Variants in STAU2 observed in about 807,000 individuals in gnomAD.
The protein encoded by STAU2 is staufen double-stranded RNA binding protein 2.
Under a neutral mutation model 65.9 loss-of-function variants are expected in STAU2, and 20 were observed. The observed-to-expected ratio is 0.30, with a 90% CI of 0.21 to 0.44. The LOEUF (loss-of-function observed/expected upper bound fraction) is 0.44, where lower values mean the gene tolerates loss of function less well. STAU2 is among the 20% of genes least tolerant of loss of function. STAU2 has a pLI of 1.00. For missense variants in STAU2, 558 were observed against 683.9 expected, an observed-to-expected ratio of 0.82 and a Z score of 2.05; for synonymous variants, 232 against 233.9, an observed-to-expected ratio of 0.99 and a Z score of 0.07.
At chr8:73,708,239 A>G (rs1239356371) in intron 4 of STAU2, among the ~76,000 whole-genome samples, 1 of 152,208 alleles carries the variant, frequency 6.6e-6, no homozygotes, top group African/African-American at 2.4e-5. Flanking sequence ...CAAATAACCT[A>G]ATAGCCAGTT....
chr8:73,589,662 C>T (rs2128966902), intron 11 of STAU2, among the ~76,000 whole-genome samples: 1 of 152,164 alleles, frequency 6.6e-6, no homozygotes, highest in Non-Finnish European at 1.5e-5. Flanking sequence ...GACAAATCAA[C>T]AGAAATTACT....
At chr8:73,454,938 G>A (rs1166251268) in intron 13 of STAU2, among the ~76,000 whole-genome samples, 1 of 151,806 alleles carries the variant, frequency 6.6e-6, no homozygotes, top group Admixed American at 6.6e-5. Context: ...GAGAGGTCGA[G>A]TGGTCCTCCC....
At position 73,531,197 on chromosome 8, in the gene STAU2, C is replaced by A. The variant is rs557828686; in HGVS notation, c.1530+20815G>T. ...AGTGTACACTGTCCCTCCTCTAAGT[C>A]TCTGGAGCCAAAATGAATGGCTTGC... On this transcript the variant is annotated intron_variant, in intron 13 of 14. Coordinates refer to ENST00000524300, the MANE Select transcript of STAU2 (RefSeq NM_001164380.2). Among the ~76,000 whole-genome samples, 7 of 152,266 alleles carry A rather than the reference C, an allele frequency of 4.6e-5. No homozygotes were observed. In the South Asian group the frequency reaches 1.5e-3, roughly 32 times the overall value.
chr8:73,677,987 C>T (rs1425701770), intron 5 of STAU2, among the ~76,000 whole-genome samples: 2 of 152,248 alleles, frequency 1.3e-5, no homozygotes, highest in African/African-American at 4.8e-5. Context: ...ACTGCTCTTG[C>T]TTTACATTAT....
At chr8:73,653,866 T>C (rs559161514) in intron 6 of STAU2, 41 of 441,554 alleles carry the variant, frequency 9.3e-5, no homozygotes, top group African/African-American at 8.0e-4. Flanking sequence ...CCATGGAACA[T>C]CTTATAACAC....
At chr8:73,525,362 C>T (rs1033698924) in intron 13 of STAU2, among the ~76,000 whole-genome samples, 4 of 152,096 alleles carry the variant, frequency 2.6e-5, no homozygotes, top group South Asian at 4.1e-4. Flanking sequence ...GCATTCACAC[C>T]GCAGTTATTG....
At chr8:73,646,897 T>C (rs1244472123) in intron 6 of STAU2, among the ~76,000 whole-genome samples, 2 of 147,450 alleles carry the variant, frequency 1.4e-5, no homozygotes, top group African/African-American at 2.5e-5. Context: ...TTATAGAAAA[T>C]GTGCATAAGA....
chr8:73,715,143 A>G (rs2130675350), intron 3 of STAU2, among the ~76,000 whole-genome samples: 1 of 152,200 alleles, frequency 6.6e-6, no homozygotes, highest in East Asian at 1.9e-4. Context: ...AGATACTATA[A>G]ATCAATTTTT....
chr8:73,522,038 A>G (rs926094489), intron 13 of STAU2, among the ~76,000 whole-genome samples: 20 of 152,232 alleles, frequency 1.3e-4, no homozygotes, highest in African/African-American at 4.8e-4. Flanking sequence ...CCTCAACACA[A>G]TAAGGCAGGC....
intron 12 of STAU2, among the ~76,000 whole-genome samples, chr8:73,567,465 C>T (rs1808695370): frequency 6.6e-6 from 1 of 152,130 alleles, no homozygotes; most frequent in African/African-American, 2.4e-5. Flanking sequence ...CAAGATTACA[C>T]CACTGCACTC....
At chr8:73,660,235 GCCTGACCAACATGGTGAAA>G (rs1816726026) in intron 6 of STAU2, among the ~76,000 whole-genome samples, 1 of 152,166 alleles carries the variant, frequency 6.6e-6, no homozygotes, top group Non-Finnish European at 1.5e-5. Flanking sequence ...TTCAAGACCA[GCCTGACCAACATGGTGAAA>G]CCCTGTCTCT....
chr8:73,467,996 A>T (rs1819752511), intron 13 of STAU2, among the ~76,000 whole-genome samples: 1 of 152,240 alleles, frequency 6.6e-6, no homozygotes, highest in African/African-American at 2.4e-5. Context: ...CACATTGCCA[A>T]GTCAATCCTA....
chr8:73,483,064 CA>C (rs1162337148), intron 13 of STAU2, among the ~76,000 whole-genome samples: 2 of 150,122 alleles, frequency 1.3e-5, no homozygotes, highest in Non-Finnish European at 3.0e-5. Flanking sequence ...CAGTGGTCAG[CA>C]AAGAATGTGC....
At chr8:73,541,634 G>A (rs1415132920) in intron 13 of STAU2, among the ~76,000 whole-genome samples, 4 of 152,102 alleles carry the variant, frequency 2.6e-5, no homozygotes, top group Non-Finnish European at 4.4e-5. Context: ...CCAGCTGTTG[G>A]ATTTAGTTGA....
At chr8:73,681,267 C>G (rs1818408472) in intron 5 of STAU2, among the ~76,000 whole-genome samples, 1 of 152,150 alleles carries the variant, frequency 6.6e-6, no homozygotes. Flanking sequence ...TAGCAGATTT[C>G]TCAGCATAAA....
At chr8:73,745,387 AATCAT>A (rs1165650231) in intron 1 of STAU2, among the ~76,000 whole-genome samples, 2 of 152,200 alleles carry the variant, frequency 1.3e-5, no homozygotes. Flanking sequence ...AGTGTACTTG[AATCAT>A]CTAAAGAAAG....
At chr8:73,525,168 T>A (rs1823282188) in intron 13 of STAU2, among the ~76,000 whole-genome samples, 1 of 152,242 alleles carries the variant, frequency 6.6e-6, no homozygotes, top group Non-Finnish European at 1.5e-5. Flanking sequence ...GTGACCATCA[T>A]CAACACATTT....
intron 13 of STAU2, among the ~76,000 whole-genome samples, chr8:73,519,167 G>A (rs940730670): frequency 6.6e-6 from 1 of 152,170 alleles, no homozygotes; most frequent in African/African-American, 2.4e-5. Context: ...AGCAAGCAAA[G>A]CCGCTGAAGT....
chr8:73,598,781 C>T (rs1190205955), intron 10 of STAU2, among the ~76,000 whole-genome samples: 1 of 151,894 alleles, frequency 6.6e-6, no homozygotes, highest in Non-Finnish European at 1.5e-5. Flanking sequence ...TAAGAAACTC[C>T]ACAGATGAAT....
Sources: gnomAD v4.1 joint callset for allele counts (sites outside exome capture counted in the v4.1 genomes callset) on GRCh38, gnomAD v4.1.1 for gene constraint, MANE v1.5 for transcripts, NCBI Gene and HGNC (gene_info 2026-07-23, HGNC 2026-07-21) for gene names.